The following DENND1A variants were observed in gnomAD, a reference collection of about 807,000 sequenced individuals.
DENND1A encodes the protein DENN domain-containing protein 1A.
DENND1A carries 51 observed loss-of-function variants against 113.7 expected under a neutral mutation model. That is an observed-to-expected ratio of 0.45 (90% CI 0.36 to 0.57). The LOEUF (loss-of-function observed/expected upper bound fraction) is 0.57, where lower values mean the gene tolerates loss of function less well. Ranked by LOEUF, DENND1A falls within the 20% of genes least tolerant of loss-of-function variation. The pLI is 0.00. For synonymous variants in DENND1A, 565 were observed against 570.8 expected (o/e 0.99, Z 0.14); for missense variants, 1,258 against 1,395.9 (o/e 0.90, Z 1.57).
chr9:123,565,884 C>T (rs896498064), intron 12 of DENND1A, among the ~76,000 whole-genome samples: 7 of 152,172 alleles, frequency 4.6e-5, no homozygotes, highest in African/African-American at 1.2e-4. Flanking sequence ...TCTGTAAGAA[C>T]AAGAAATTTA....
At chr9:123,726,917 A>G (rs937278588) in intron 5 of DENND1A, among the ~76,000 whole-genome samples, 21 of 152,262 alleles carry the variant, frequency 1.4e-4, no homozygotes, top group Admixed American at 1.2e-3. Flanking sequence ...TTTTATTGTC[A>G]TGGGGCTGAG....
chr9:123,646,819 G>T (rs1393183574), intron 9 of DENND1A, among the ~76,000 whole-genome samples: 1 of 152,144 alleles, frequency 6.6e-6, no homozygotes, highest in Non-Finnish European at 1.5e-5. Flanking sequence ...GCAGAATGAA[G>T]TAAGTTGGAC....
chr9:123,537,667 T>C (rs2055887417), intron 13 of DENND1A, among the ~76,000 whole-genome samples: 1 of 150,010 alleles, frequency 6.7e-6, no homozygotes, highest in Non-Finnish European at 1.5e-5. Flanking sequence ...CTTGGGCATG[T>C]AGTTAAAAAA....
intron 12 of DENND1A, among the ~76,000 whole-genome samples, chr9:123,577,215 T>C (rs571625590): frequency 6.6e-6 from 1 of 152,332 alleles, no homozygotes; most frequent in African/African-American, 2.4e-5. Context: ...TTTATTGCTA[T>C]ATCTTCAAAT....
At position 123,769,534 on chromosome 9, in the gene DENND1A, A is replaced by G. The variant is rs1264107697; in HGVS notation, c.162T>C (p.Cys54=). ...ACTACCTGTCCACATAGAAGGGGAA[A>G]CAAAACTTGGTCAAAGTCTGTAGAA... ...QEVLQTLTKF[C]FPFYVDSLTV... is the part of the protein sequence containing the mutation. Residue 54 remains cysteine, a synonymous_variant, in exon 4 of 24, where the codon TGT becomes TGC. Coordinates refer to ENST00000394215, the MANE Select transcript of DENND1A (RefSeq NM_001352964.2). 2 of 1,610,134 alleles carry G rather than the reference A, an allele frequency of 1.2e-6. No homozygotes were observed. The highest frequency in any genetic ancestry group is 1.7e-5 in the Admixed American group (1 of 59,190).
At chr9:123,686,455 T>C (rs1280941312) in intron 5 of DENND1A, among the ~76,000 whole-genome samples, 2 of 152,338 alleles carry the variant, frequency 1.3e-5, no homozygotes, top group Middle Eastern at 3.4e-3. Context: ...AAAGGAAAGC[T>C]TGCCTCCAAA....
At chr9:123,868,198 C>A (rs1459522069) in intron 2 of DENND1A, among the ~76,000 whole-genome samples, 1 of 152,148 alleles carries the variant, frequency 6.6e-6, no homozygotes, top group Non-Finnish European at 1.5e-5. Context: ...AACTGCTGAG[C>A]AATATTGCAC....
Position 123,422,440 on chromosome 9 carries a change from T to C in DENND1A, c.1489-10611A>G, listed in dbSNP as rs1353334820. 1.3e-5 allele frequency among the ~76,000 whole-genome samples: 2 copies of C among 151,920 alleles called. No homozygotes were observed. The highest frequency in any genetic ancestry group is 2.4e-5 in the African/African-American group (1 of 41,352). On this transcript the variant is annotated intron_variant, in intron 19 of 23. Coordinates refer to ENST00000394215, the MANE Select transcript of DENND1A (RefSeq NM_001352964.2). This position sits in a 1 kb window ranked among gnomAD's most constrained non-coding sequence, Gnocchi z 4.8. ...ACGTGGAAGCAATGGGAAGCTTAGA[T>C]ATGAAATATCCCAAAATTTCCCTAG...
intron 13 of DENND1A, among the ~76,000 whole-genome samples, chr9:123,488,598 G>C (rs950206144): frequency 6.6e-6 from 1 of 152,188 alleles, no homozygotes. Context: ...AGTTCTGTAA[G>C]AGACCCTCTG....
chr9:123,403,619 A>G (rs2043689268), intron 20 of DENND1A, 129 bp from the exon 21 acceptor site: 2 of 774,648 alleles, frequency 2.6e-6, no homozygotes, highest in South Asian at 1.6e-5. Context: ...ACAGGCTACA[A>G]AAGCCCAGCC....
At chr9:123,820,617 T>A (rs1483009951) in intron 2 of DENND1A, among the ~76,000 whole-genome samples, 1 of 152,208 alleles carries the variant, frequency 6.6e-6, no homozygotes, top group Non-Finnish European at 1.5e-5. Context: ...TGAGAGATAA[T>A]AAATCATTGT....
chr9:123,457,145 C>A (rs1233973211), intron 15 of DENND1A, among the ~76,000 whole-genome samples: 1 of 152,176 alleles, frequency 6.6e-6, no homozygotes, highest in Non-Finnish European at 1.5e-5. Context: ...AGCAACTGAT[C>A]CTAGGCTGGG....
intron 2 of DENND1A, among the ~76,000 whole-genome samples, chr9:123,826,399 C>G (rs1356841854): frequency 6.6e-6 from 1 of 152,036 alleles, no homozygotes; most frequent in African/African-American, 2.4e-5. Flanking sequence ...GAGACCCTGT[C>G]TCTATAAAAA....
At chr9:123,690,159 A>G (rs978769963) in intron 5 of DENND1A, among the ~76,000 whole-genome samples, 7 of 142,314 alleles carry the variant, frequency 4.9e-5, no homozygotes, top group Non-Finnish European at 7.7e-5. Flanking sequence ...GGAGGGAGGG[A>G]GGAAGGAGGA....
intron 3 of DENND1A, among the ~76,000 whole-genome samples, chr9:123,770,674 C>T (rs1231457237): frequency 6.6e-6 from 1 of 152,104 alleles, no homozygotes. Flanking sequence ...ATCCCAACTT[C>T]AAGACAAAAT....
At chr9:123,886,146 G>A (rs916264711) in intron 1 of DENND1A, among the ~76,000 whole-genome samples, 2 of 151,804 alleles carry the variant, frequency 1.3e-5, no homozygotes, top group Non-Finnish European at 2.9e-5. Flanking sequence ...GGCTTTGACA[G>A]TATTTAGGCA....
chr9:123,677,694 A>G (rs919393650), intron 5 of DENND1A, among the ~76,000 whole-genome samples: 6 of 152,148 alleles, frequency 3.9e-5, no homozygotes, highest in African/African-American at 1.4e-4. Flanking sequence ...TCGGCCTCCC[A>G]AACTGCTGGG....
Position 123,500,389 on chromosome 9 carries a change from C to T in DENND1A, c.994-42492G>A, listed in dbSNP as rs190834711. Reference sequence around the variant, plus strand: ...AAGGAAACTGAGGCAACAAGGGTACCGATTTCAAGCTGTCAATGTGTTCTG... The same window carrying T: ...AAGGAAACTGAGGCAACAAGGGTACTGATTTCAAGCTGTCAATGTGTTCTG... On this transcript the variant is annotated intron_variant, in intron 13 of 23. Transcript: ENST00000394215. Among the ~76,000 whole-genome samples, 8 of 152,258 alleles carry T rather than the reference C, an allele frequency of 5.3e-5. 1 individual carries two copies. The East Asian group carries it at 9.6e-4, about 18-fold the overall frequency.
chr9:123,676,755 G>T lies in DENND1A; in HGVS notation c.337C>A (p.Leu113Ile), dbSNP rs1249223190. 6.2e-7 allele frequency: 1 copy of T among 1,613,908 alleles called. No homozygotes were observed. The highest frequency in any genetic ancestry group is 1.3e-5 in the African/African-American group (1 of 74,890). Residue 113 changes from leucine to isoleucine, a missense_variant, in exon 6 of 24, where the codon CTT becomes ATT. By Grantham distance (5) the Leu-to-Ile change is conservative. This residue lies in a region of DENND1A where 99 missense variants were observed against 164.2 expected (regional missense o/e 0.60). Coordinates refer to ENST00000394215, the MANE Select transcript of DENND1A (RefSeq NM_001352964.2). ...GTCGTGTAATCTGCCAGGATGTTAA[G>T]CAGCTTATAAAATACCTCGAACCAG... The part of the protein sequence containing the change: ...LPWFEVFYKL[L>I]NILADYTTKR...
Sources: allele counts gnomAD v4.1 joint callset (sites outside exome capture counted in the v4.1 genomes callset), GRCh38; gene constraint gnomAD v4.1.1; regional missense constraint gnomAD v4.1.1; non-coding constraint Gnocchi (gnomAD v3.1); transcripts MANE v1.5; gene names NCBI Gene and HGNC (gene_info 2026-07-23, HGNC 2026-07-21).